Variants in BTBD10 observed in about 807,000 individuals in gnomAD.
The protein encoded by BTBD10 is BTB/POZ domain-containing protein 10.
In BTBD10, 21 loss-of-function variants were observed where a neutral mutation model predicts 53.2. That is an observed-to-expected ratio of 0.39 (90% confidence interval 0.28 to 0.57). The LOEUF is 0.57. Among genes scored for constraint, BTBD10 ranks in the 20% least tolerant of loss-of-function variants. The pLI is 0.53. For synonymous variants in BTBD10, 149 were observed against 192.7 expected, an observed-to-expected ratio of 0.77 and a Z score of 1.88; for missense variants, 360 against 594.7, an observed-to-expected ratio of 0.61 and a Z score of 4.10.
chr11:13,406,567 G>C (rs1949834340), intron 6 of BTBD10, among the ~76,000 whole-genome samples: 1 of 147,752 alleles, frequency 6.8e-6, no homozygotes, highest in African/African-American at 2.5e-5. Flanking sequence ...GAGTGAGAGA[G>C]AGAGAGAGAG....
At chr11:13,423,161 T>C (rs757749886) in intron 2 of BTBD10, among the ~76,000 whole-genome samples, 1 of 152,132 alleles carries the variant, frequency 6.6e-6, no homozygotes. Flanking sequence ...AGAAAACTGA[T>C]GATAATAAAA....
chr11:13,411,688 C>G (rs1565239722), intron 6 of BTBD10, among the ~76,000 whole-genome samples: 2 of 152,214 alleles, frequency 1.3e-5, no homozygotes, highest in South Asian at 2.1e-4. Flanking sequence ...AGATTCACAT[C>G]ATCTGTAAAA....
At chr11:13,424,273 G>A (rs1245553150) in intron 2 of BTBD10, among the ~76,000 whole-genome samples, 2 of 152,072 alleles carry the variant, frequency 1.3e-5, no homozygotes, top group African/African-American at 4.8e-5. Context: ...TTTGAGTAAG[G>A]GCCAAGCAGA....
In BTBD10 at chr11:13,439,402, C is replaced by T. The variant is rs369466476; in HGVS notation, c.101+5622G>A. ...TTGACTTGAAAGAAAGTCACTTTAA[C>T]CAATTAGAGCTTTATCATTTAAGTA... On this transcript the variant is annotated intron_variant, in intron 2 of 8. Transcript: ENST00000278174. Among the ~76,000 whole-genome samples the T allele has an allele frequency of 2.6e-5, 4 of 152,130 alleles. No individual in the cohort carries two copies. The East Asian group carries it at 5.8e-4, about 22-fold the overall frequency.
At chr11:13,443,613 G>A (rs778232563) in intron 2 of BTBD10, among the ~76,000 whole-genome samples, 1 of 138,186 alleles carries the variant, frequency 7.2e-6, no homozygotes, top group Non-Finnish European at 1.6e-5. Context: ...TTTTTTTTTT[G>A]AGACAGCGTC....
chr11:13,413,901 G>T (rs895269607), intron 5 of BTBD10, among the ~76,000 whole-genome samples: 3 of 152,276 alleles, frequency 2.0e-5, no homozygotes, highest in Non-Finnish European at 2.9e-5. Flanking sequence ...GCAAAGGTAA[G>T]ATTTGAATAT....
intron 1 of BTBD10, among the ~76,000 whole-genome samples, chr11:13,445,391 T>C (rs146266578): frequency 1.6e-4 from 25 of 152,318 alleles, no homozygotes; most frequent in Admixed American, 2.6e-4. Flanking sequence ...TTAAATCTGC[T>C]ACCACTATGT....
intron 4 of BTBD10, among the ~76,000 whole-genome samples, chr11:13,418,730 A>G (rs1300063322): frequency 6.6e-6 from 1 of 152,168 alleles, no homozygotes; most frequent in African/African-American, 2.4e-5. Flanking sequence ...TTTTTATCTC[A>G]TGTAAACTTC....
intron 8 of BTBD10, among the ~76,000 whole-genome samples, chr11:13,391,706 G>A (rs1949409759): frequency 6.6e-6 from 1 of 152,152 alleles, no homozygotes; most frequent in South Asian, 2.1e-4. Flanking sequence ...AGCCCTTTGG[G>A]AGGCCAAGGC....
chr11:13,424,150 T>C (rs55888939), intron 2 of BTBD10, among the ~76,000 whole-genome samples: 2,404 of 152,252 alleles, frequency 0.016, 64 homozygotes, highest in African/African-American at 0.055. Context: ...GGCAGCTAAG[T>C]TTTCATCATT....
chr11:13,451,366 A>C (rs1172693291), intron 1 of BTBD10, among the ~76,000 whole-genome samples: 3 of 152,200 alleles, frequency 2.0e-5, no homozygotes, highest in Admixed American at 6.5e-5. Context: ...AAAGACCACC[A>C]CTAGCAGGTA....
At chr11:13,390,160 G>A (rs1186557624) in intron 8 of BTBD10, among the ~76,000 whole-genome samples, 1 of 151,990 alleles carries the variant, frequency 6.6e-6, no homozygotes, top group Middle Eastern at 3.2e-3. Flanking sequence ...AACTATTATA[G>A]ACCCCTTCCC....
At chr11:13,392,477 T>A (rs1949434393) in intron 8 of BTBD10, among the ~76,000 whole-genome samples, 1 of 152,088 alleles carries the variant, frequency 6.6e-6, no homozygotes, top group African/African-American at 2.4e-5. Flanking sequence ...GAAGACAGAT[T>A]ATGGTCAAAT....
chr11:13,411,227 A>G (rs960589707), intron 6 of BTBD10, among the ~76,000 whole-genome samples: 2 of 152,202 alleles, frequency 1.3e-5, no homozygotes, highest in African/African-American at 4.8e-5. Context: ...TCAAGTCCAA[A>G]CTAGTTTAAT....
At chr11:13,450,245 A>T (rs11022831) in intron 1 of BTBD10, among the ~76,000 whole-genome samples, 24,571 of 152,178 alleles carry the variant, frequency 0.16, 2,152 homozygotes, top group Admixed American at 0.24. Flanking sequence ...GACACCTGAG[A>T]CAGTTAAATG....
At position 13,419,721 on chromosome 11, in the gene BTBD10, G is replaced by A. The variant is rs1331295576; in HGVS notation, c.323C>T (p.Ser108Phe). 14 of 1,591,686 alleles carry A rather than the reference G, an allele frequency of 8.8e-6. No homozygotes were observed. The highest frequency in any genetic ancestry group is 1.4e-5 in the African/African-American group (1 of 73,998). ...TTGAGGACGCGGACTGCTTGGACGA[G>A]AGGAACTGTGATCTTTTTCTCGTTC... is the stretch of plus-strand genomic sequence containing the variant. ...HVEREKDHSS[S>F]RPSSPRPQKA... is the part of the protein sequence containing the mutation. Residue 108 changes from serine to phenylalanine, a missense_variant, in exon 4 of 9, where the codon TCT (serine) becomes TTT (phenylalanine). Ser to Phe is a radical substitution (Grantham distance 155, BLOSUM62 -2). Around this residue, in one of 6 missense-constraint regions of BTBD10, gnomAD observed 109 missense variants for 118.6 expected, o/e 0.92. Transcript: ENST00000278174.
chr11:13,407,377 G>C lies in BTBD10; in HGVS notation c.809-1521C>G, dbSNP rs181511937. 2.1e-3 allele frequency among the ~76,000 whole-genome samples: 326 copies of C among 152,216 alleles called. 5 individuals are homozygous for C. The highest frequency in any genetic ancestry group is 1.2e-3 in the Non-Finnish European group (82 of 67,996). On this transcript the variant is annotated intron_variant, in intron 6 of 8. Transcript: ENST00000278174. ...ATTTCCACTTGGATGTAACTTCAGA[G>C]GTACGTCAAACTCAATACATCCAAA...
chr11:13,411,833 C>CTT (rs749745152), intron 6 of BTBD10, among the ~76,000 whole-genome samples: 1 of 143,066 alleles, frequency 7.0e-6, no homozygotes. Flanking sequence ...TCAACTAAAA[C>CTT]TTTTTTTTTT....
rs1950247065 is a variant in BTBD10 at position 13,421,810 on chromosome 11, C to A, written c.130G>T (p.Val44Phe). The A allele has an allele frequency of 9.9e-6, 16 of 1,613,198 alleles. No individual in the cohort carries two copies. Among genetic ancestry groups the A allele is most frequent in the Non-Finnish European group, 1.4e-5 (16 of 1,179,534 alleles). Residue 44 changes from valine to phenylalanine, a missense_variant, in exon 3 of 9, where the codon GTT becomes TTT. Physicochemically the swap from Val to Phe is conservative, Grantham distance 50. This residue lies in a region of BTBD10 where 81 missense variants were observed against 82.6 expected (regional missense o/e 0.98). Transcript: ENST00000278174. Reference protein sequence around the residue: ...STSSRIAKGGVDHTKMSLHGA... With the variant: ...STSSRIAKGGFDHTKMSLHGA... ...TGTAGACTCATTTTGGTGTGGTCAA[C>A]TCCTCCTTTAGCAATACGCGAGGAA... is the stretch of plus-strand genomic sequence containing the variant.
Sources: allele counts gnomAD v4.1 joint callset (sites outside exome capture counted in the v4.1 genomes callset), GRCh38; gene constraint gnomAD v4.1.1; regional missense constraint gnomAD v4.1.1; transcripts MANE v1.5; gene names NCBI Gene and HGNC (gene_info 2026-07-23, HGNC 2026-07-21).